The following DNAH11 variants were observed in gnomAD, a reference collection of about 807,000 sequenced individuals.
DNAH11 encodes dynein axonemal heavy chain 11.
DNAH11 carries 442 observed loss-of-function variants against 526.0 expected under a neutral mutation model. The observed-to-expected ratio is 0.84, with a 90% confidence interval of 0.78 to 0.91. The LOEUF (loss-of-function observed/expected upper bound fraction) is 0.91, where lower values mean the gene tolerates loss of function less well. DNAH11 is among the 40% of genes least tolerant of loss of function. The pLI is 0.00. For missense variants in DNAH11, 6,989 were observed against 5,448.7 expected (o/e 1.28, Z -8.90); for synonymous variants, 2,461 against 1,935.9 (o/e 1.27, Z -7.12).
intron 77 of DNAH11, 116 bp downstream of exon 77, chr7:21,892,783 C>A (rs1784371938): frequency 3.4e-6 from 4 of 1,177,922 alleles, no homozygotes; most frequent in Admixed American, 2.7e-5. Context: ...ACTCATACAA[C>A]CACCACCTAG....
At chr7:21,719,417 C>G (rs1784790045) in intron 43 of DNAH11, among the ~76,000 whole-genome samples, 1 of 152,200 alleles carries the variant, frequency 6.6e-6, no homozygotes, top group Non-Finnish European at 1.5e-5. Context: ...AAATATATTT[C>G]AAGTACTGTG....
chr7:21,649,405 G>A (rs1032124555), intron 28 of DNAH11, among the ~76,000 whole-genome samples: 1 of 152,068 alleles, frequency 6.6e-6, no homozygotes, highest in African/African-American at 2.4e-5. Context: ...TTAACAGTGG[G>A]ATGGCTAAAT....
At chr7:21,900,307 A>G (rs564700079) in intron 81 of DNAH11, among the ~76,000 whole-genome samples, 187 bp downstream of exon 81, 16 of 152,318 alleles carry the variant, frequency 1.1e-4, no homozygotes, top group Non-Finnish European at 1.8e-4. Context: ...CCAAACTGTA[A>G]TATTTGGGGT....
chr7:21,559,914 T>C, intron 4 of DNAH11, 122 bp downstream of exon 4: 1 of 847,316 alleles, frequency 1.2e-6, no homozygotes, highest in South Asian at 2.0e-5. Flanking sequence ...CCCTCTTTTC[T>C]TAATCCAGAG....
At chr7:21,741,895 C>T (rs1045825657) in intron 48 of DNAH11, 32 bp from the exon 49 acceptor site, 2 of 1,609,948 alleles carry the variant, frequency 1.2e-6, no homozygotes, top group African/African-American at 2.7e-5. Flanking sequence ...CAATTGTAAT[C>T]CTTACACTCT....
intron 2 of DNAH11, among the ~76,000 whole-genome samples, chr7:21,556,804 G>T (rs1487017940): frequency 6.6e-6 from 1 of 152,134 alleles, no homozygotes; most frequent in Non-Finnish European, 1.5e-5. Context: ...GCTCGCACCT[G>T]TAGTCCTACC....
chr7:21,720,187 A>G (rs1485304722), intron 43 of DNAH11, among the ~76,000 whole-genome samples: 1 of 152,206 alleles, frequency 6.6e-6, no homozygotes, highest in African/African-American at 2.4e-5. Flanking sequence ...ATTTATGACA[A>G]CGGGTGGGAA....
At chr7:21,740,376 C>T (rs1785824554) in intron 48 of DNAH11, among the ~76,000 whole-genome samples, 1 of 152,260 alleles carries the variant, frequency 6.6e-6, no homozygotes, top group Non-Finnish European at 1.5e-5. Flanking sequence ...ACTGAGCTCC[C>T]CTTTTTCTCC....
At chr7:21,817,635 T>C (rs113820541) in intron 64 of DNAH11, among the ~76,000 whole-genome samples, 1 of 151,436 alleles carries the variant, frequency 6.6e-6, no homozygotes, top group Non-Finnish European at 1.5e-5. Flanking sequence ...TGAGGCTACA[T>C]TGAATCATAA....
intron 43 of DNAH11, 34 bp from the exon 44 acceptor site, chr7:21,720,691 A>G: frequency 6.5e-7 from 1 of 1,527,108 alleles, no homozygotes; most frequent in East Asian, 2.5e-5. Context: ...TTTTAAAAAA[A>G]TGTTGCCTTA....
rs1217183472 is a variant in DNAH11 at position 21,884,481 on chromosome 7, C to G, written c.12507+71C>G. The G allele has an allele frequency of 3.5e-6, 5 of 1,421,034 alleles. No individual in the cohort carries two copies. The African/African-American group carries it at 7.2e-5, about 20-fold the overall frequency. 88.0% of individuals were successfully genotyped at this position (1,421,034 alleles called of 1,614,324 possible). A position where few individuals can be genotyped will look rare whatever the true frequency, so the allele number is the denominator to read the frequency against. ...AAAATTCTGGTAAGAATTTTATAAA[C>G]TAATTATACTATGGGCAATTCTTAA... On this transcript the variant is annotated intron_variant, in intron 76 of 81. Coordinates refer to ENST00000409508, the MANE Select transcript of DNAH11 (RefSeq NM_001277115.2).
In DNAH11 at chr7:21,649,914, C is replaced by A. The variant is rs182534404; in HGVS notation, c.4945-5918C>A. The stretch of plus-strand genomic sequence containing the variant: ...CTTCTGGCCTCAGGTGATCTGCCTG[C>A]ATTGCCTCCCAAAGTGCTGGGATTA... On this transcript the variant is annotated intron_variant, in intron 28 of 81. Transcript: ENST00000409508. Among the ~76,000 whole-genome samples, 12 of 152,268 alleles carry A rather than the reference C, an allele frequency of 7.9e-5. No homozygotes were observed. The East Asian group carries it at 2.3e-3, about 29-fold the overall frequency.
chr7:21,884,443 T>C lies in DNAH11; in HGVS notation c.12507+33T>C, dbSNP rs900645130. Reference sequence around the variant, plus strand: ...ATTTGTAAATTAATTTGTAAATAAATTTCACTGAGCAAAAAATTCTGGTAA... The same window carrying C: ...ATTTGTAAATTAATTTGTAAATAAACTTCACTGAGCAAAAAATTCTGGTAA... On this transcript the variant is annotated intron_variant, in intron 76 of 81. Coordinates refer to ENST00000409508, the MANE Select transcript of DNAH11 (RefSeq NM_001277115.2). 9 of 1,578,126 alleles carry C rather than the reference T, an allele frequency of 5.7e-6. No individual in the cohort carries two copies. In the African/African-American group the frequency reaches 1.1e-4, roughly 19 times the overall value.
chr7:21,656,014 G>C, intron 29 of DNAH11, 33 bp downstream of exon 29: 2 of 1,544,406 alleles, frequency 1.3e-6, no homozygotes, highest in Non-Finnish European at 1.7e-6. Context: ...TCTATGCTAG[G>C]GGAGTATTTT....
rs200877011 is a variant in DNAH11, at chr7:21,562,930, G to GT, written c.983-1248dup. On this transcript the variant is annotated intron_variant, in intron 5 of 81. Transcript: ENST00000409508. The stretch of plus-strand genomic sequence containing the variant: ...ACTCCTGGTGACAAAATTCAGCAGG[G>GT]TTTTTTTTGTTCTTGACACAAGTCT... Among the ~76,000 whole-genome samples the GT allele has an allele frequency of 4.0e-3, 613 of 151,892 alleles. 3 individuals carry two copies. The highest frequency in any genetic ancestry group is 0.013 in the African/African-American group (543 of 41,412).
chr7:21,707,465 A>C (rs1358810165), intron 39 of DNAH11, among the ~76,000 whole-genome samples: 24 of 152,258 alleles, frequency 1.6e-4, no homozygotes, highest in Admixed American at 1.5e-3. Context: ...CCTTTAGTCT[A>C]AATGGTTCAA....
chr7:21,600,011 G>A lies in DNAH11; in HGVS notation c.2892G>A (p.Glu964=), dbSNP rs569413184. Residue 964 remains glutamate (E), a synonymous_variant, in exon 15 of 82, where the codon GAG becomes GAA. Coordinates refer to ENST00000409508, the MANE Select transcript of DNAH11 (RefSeq NM_001277115.2). ...TGTTTAAACCTTCCCTAGACAGAGA[G>A]GCTGGGGATGGCTTCTATGATCTTG... ...EIVFKPSLDR[E]AGDGFYDLVE... The A allele has an allele frequency of 2.6e-5, 42 of 1,613,230 alleles. No individual in the cohort carries two copies. Among genetic ancestry groups the A allele is most frequent in the Non-Finnish European group, 3.1e-5 (37 of 1,179,492 alleles).
chr7:21,740,282 T>A (rs1268683267), intron 48 of DNAH11, among the ~76,000 whole-genome samples: 2 of 152,152 alleles, frequency 1.3e-5, no homozygotes, highest in Admixed American at 1.3e-4. Flanking sequence ...TTCAGTAATA[T>A]TAACTACATA....
chr7:21,774,101 G>T (rs1583680737), intron 56 of DNAH11, 102 bp downstream of exon 56: 1 of 1,106,008 alleles, frequency 9.0e-7, no homozygotes. Context: ...TAAGATGCCA[G>T]CTGGTGAAAT....
Sources: allele counts gnomAD v4.1 joint callset (sites outside exome capture counted in the v4.1 genomes callset), GRCh38; gene constraint gnomAD v4.1.1; transcripts MANE v1.5; gene names NCBI Gene and HGNC (gene_info 2026-07-23, HGNC 2026-07-21).